Variants in BRD3 observed in about 807,000 individuals in gnomAD.
BRD3 encodes bromodomain containing 3.
In BRD3, 17 loss-of-function variants were observed where a neutral mutation model predicts 66.8. The observed-to-expected ratio is 0.25, with a 90% CI of 0.17 to 0.38. The LOEUF (loss-of-function observed/expected upper bound fraction) is 0.38. Ranked by LOEUF, BRD3 falls within the 10% of genes least tolerant of loss-of-function variation. The pLI, the probability that BRD3 is intolerant of heterozygous loss-of-function variation, is 1.00. For missense variants in BRD3, 713 were observed against 956.1 expected (o/e 0.75, Z 3.35); for synonymous variants, 421 against 393.2 (o/e 1.07, Z -0.84).
intron 6 of BRD3, among the ~76,000 whole-genome samples, chr9:134,047,173 G>A (rs1487477704): frequency 1.3e-5 from 2 of 152,240 alleles, no homozygotes; most frequent in African/African-American, 4.8e-5. Flanking sequence ...GTCAATCAAG[G>A]AAGAAAAGGG....
chr9:134,051,471 G>C, intron 4 of BRD3, 91 bp downstream of exon 4: 1 of 1,334,412 alleles, frequency 7.5e-7, no homozygotes, highest in East Asian at 2.8e-5. Flanking sequence ...ATGGGAAACA[G>C]CTCAGATGGC....
rs1001676603 is a variant in BRD3 at position 134,035,942 on chromosome 9, C to T, written c.1936+90G>A. ...AGCGTGGCAGCCCTGTGCCCAAGCT[C>T]GCCGCACAGGGTCCGTGAGGAGTGA... On this transcript the variant is annotated intron_variant, in intron 10 of 11. Coordinates refer to ENST00000303407, the MANE Select transcript of BRD3 (RefSeq NM_007371.4). 1.4e-5 allele frequency: 21 copies of T among 1,487,972 alleles called. No individual in the cohort carries two copies. In the Admixed American group the frequency reaches 3.3e-4, roughly 23 times the overall value. 92.2% of individuals were successfully genotyped at this position (1,487,972 alleles called of 1,614,324 possible). A position where few individuals can be genotyped will look rare whatever the true frequency, so the allele number is the denominator to read the frequency against.
At position 134,040,156 on chromosome 9, in the gene BRD3, C is replaced by G. The variant is rs1830010619; in HGVS notation, c.1521G>C (p.Glu507Asp). Reference sequence around the variant, plus strand: ...CGGCCTTCACTTTGTGCTTCTCCTTCTCCTTCTCCTTGTCCTTCTTCTTCT... The same window carrying G: ...CGGCCTTCACTTTGTGCTTCTCCTTGTCCTTCTCCTTGTCCTTCTTCTTCT... ...KEKKKKDKEK[E>D]KEKHKVKAEE... The change falls in exon 9 of 12, where the codon GAG becomes GAC. Residue 507 changes from glutamate to aspartate, a missense_variant. Glu to Asp is a conservative substitution (Grantham distance 45). Around this residue, in one of 5 missense-constraint regions of BRD3, gnomAD observed 418 missense variants for 609.3 expected, o/e 0.69. Coordinates refer to ENST00000303407, the MANE Select transcript of BRD3 (RefSeq NM_007371.4). 6.4e-7 allele frequency: 1 copy of G among 1,562,702 alleles called. No individual in the cohort carries two copies. Among genetic ancestry groups the G allele is most frequent in the Non-Finnish European group, 8.7e-7 (1 of 1,153,908 alleles).
chr9:134,049,380 G>A (rs562343637), intron 5 of BRD3, among the ~76,000 whole-genome samples: 10 of 152,310 alleles, frequency 6.6e-5, no homozygotes, highest in Admixed American at 2.6e-4. Context: ...CCCAGCCCAC[G>A]GCACCTGCCG....
intron 1 of BRD3, among the ~76,000 whole-genome samples, chr9:134,060,180 G>C (rs565509049): frequency 1.1e-4 from 16 of 152,368 alleles, no homozygotes; most frequent in East Asian, 3.9e-4. Flanking sequence ...GTCGGAGTGA[G>C]CAGGCAGCCT....
chr9:134,034,576 T>A, intron 11 of BRD3, 125 bp downstream of exon 11: 1 of 1,354,420 alleles, frequency 7.4e-7, no homozygotes, highest in Non-Finnish European at 9.9e-7. Flanking sequence ...AGAGCTCGTC[T>A]AAGAACATGG....
Position 134,034,695 on chromosome 9 carries a change from C to A in BRD3, c.2065+6G>T. ...AGAGGGGTGGCACAGCGGCCGCCAG[C>A]GGTACCTTTCCGGGCGGGCTTCTTG... On this transcript the variant is annotated splice_donor_region_variant and intron_variant, in intron 11 of 11. Transcript: ENST00000303407. 2 of 1,602,824 alleles carry A rather than the reference C, an allele frequency of 1.2e-6. No homozygotes were observed. The highest frequency in any genetic ancestry group is 2.7e-5 in the African/African-American group (2 of 74,728).
chr9:134,050,273 C>T (rs1417111947), intron 5 of BRD3, 101 bp downstream of exon 5: 2 of 1,085,706 alleles, frequency 1.8e-6, no homozygotes, highest in Non-Finnish European at 2.7e-6. Context: ...AGAGCCAGCA[C>T]TCAGGGAAAG....
chr9:134,033,059 C>A lies in BRD3; in HGVS notation c.*531G>T. 2 of 398,704 alleles carry A rather than the reference C, an allele frequency of 5.0e-6. No homozygotes were observed. The highest frequency in any genetic ancestry group is 8.8e-6 in the Non-Finnish European group (2 of 226,328). 24.7% of individuals were successfully genotyped at this position (398,704 alleles called of 1,614,324 possible). A position where few individuals can be genotyped will look rare whatever the true frequency, so the allele number is the denominator to read the frequency against. On this transcript the variant is annotated 3_prime_UTR_variant, in exon 12 of 12. Coordinates refer to ENST00000303407, the MANE Select transcript of BRD3 (RefSeq NM_007371.4). This position sits in a 1 kb window ranked among gnomAD's most constrained non-coding sequence, Gnocchi z 5.1. ...GCGATGACCCTTCGCTTAGGCCCAG[C>A]CTGGTCTCCACAAGCAGGCACATCT...
chr9:134,067,155 G>A (rs929399638), intron 1 of BRD3, among the ~76,000 whole-genome samples: 3 of 152,222 alleles, frequency 2.0e-5, no homozygotes, highest in African/African-American at 7.2e-5. Context: ...TGGGAAGGAG[G>A]GGAAGCACCC....
chr9:134,034,335 G>A (rs1448844201), intron 11 of BRD3, among the ~76,000 whole-genome samples: 2 of 152,246 alleles, frequency 1.3e-5, no homozygotes, highest in Non-Finnish European at 2.9e-5. Flanking sequence ...ACCTCGGCCT[G>A]CCATGGAACT....
intron 1 of BRD3, among the ~76,000 whole-genome samples, chr9:134,059,463 G>C (rs913064452): frequency 6.6e-6 from 1 of 152,228 alleles, no homozygotes; most frequent in Non-Finnish European, 1.5e-5. Flanking sequence ...AGCGGTGCCA[G>C]AGACCCCAGT....
rs568458997 is a variant in BRD3, at chr9:134,031,542, T to C, written c.*2048A>G. 488 of 202,340 alleles carry C rather than the reference T, an allele frequency of 2.4e-3. 1 individual carries two copies. The highest frequency in any genetic ancestry group is 3.6e-3 in the Non-Finnish European group (357 of 98,492). The allele number at this position is 202,340 out of a possible 1,614,324, so 12.5% of individuals were successfully genotyped here. A position where few individuals can be genotyped will look rare whatever the true frequency, so the allele number is the denominator to read the frequency against. The stretch of plus-strand genomic sequence containing the variant: ...AAATGGAAACTTTCAAATCCATTTA[T>C]ATTTTTATTATAAACAAAACTTAAT... On this transcript the variant is annotated 3_prime_UTR_variant, in exon 12 of 12. Transcript: ENST00000303407.
intron 2 of BRD3, among the ~76,000 whole-genome samples, chr9:134,052,779 G>A (rs1830332297): frequency 1.3e-5 from 2 of 152,210 alleles, no homozygotes; most frequent in Admixed American, 1.3e-4. Flanking sequence ...CAGAGCCCAG[G>A]CCACCAAGTG....
Position 134,050,362 on chromosome 9 carries a change from C to G in BRD3, c.714+12G>C, listed in dbSNP as rs1014681265. The G allele has an allele frequency of 1.1e-5, 17 of 1,606,628 alleles. No individual in the cohort carries two copies. Among genetic ancestry groups the G allele is most frequent in the Non-Finnish European group, 1.4e-5 (17 of 1,177,144 alleles). ...CTCAGGTGCCCCACCCATCCGGACT[C>G]AGGGTGCTCACCTTGACGACAGGCG... On this transcript the variant is annotated intron_variant, in intron 5 of 11. Coordinates refer to ENST00000303407, the MANE Select transcript of BRD3 (RefSeq NM_007371.4).
chr9:134,033,759 TGGC>T lies in BRD3; in HGVS notation c.2066-57_2066-55del, dbSNP rs1843553424. The T allele has an allele frequency of 2.9e-6, 2 of 679,062 alleles. No individual in the cohort carries two copies. Among genetic ancestry groups the T allele is most frequent in the Non-Finnish European group, 5.4e-6 (2 of 369,032 alleles). The allele number at this position is 679,062 out of a possible 1,614,324, so 42.1% of individuals were successfully genotyped here. ...TCGCACACCCGCTTCTTGACCCGCTTGGCGGCATGTCGTCCATGCCAGCGTGAC... is the reference window on the plus strand; with the variant it reads ...TCGCACACCCGCTTCTTGACCCGCTTGGCATGTCGTCCATGCCAGCGTGAC... On this transcript the variant is annotated intron_variant, in intron 11 of 11. Coordinates refer to ENST00000303407, the MANE Select transcript of BRD3 (RefSeq NM_007371.4). The surrounding 1 kb of genome is among the most constrained non-coding windows in gnomAD (Gnocchi z 5.1).
At position 134,042,724 on chromosome 9, in the gene BRD3, C is replaced by CAT. The variant is rs566280194; in HGVS notation, c.1216-775_1216-774dup. Among the ~76,000 whole-genome samples, 152 of 150,170 alleles carry CAT rather than the reference C, an allele frequency of 1.0e-3. 1 individual carries two copies. Among genetic ancestry groups the CAT allele is most frequent in the African/African-American group, 3.6e-3 (146 of 40,076 alleles). On this transcript the variant is annotated intron_variant, in intron 7 of 11. Transcript: ENST00000303407. ...ACACATATATATACACATATATACA[C>CAT]ATATATATACACACATATATACACA... is the stretch of plus-strand genomic sequence containing the variant.
chr9:134,062,525 G>A (rs1830566119), intron 1 of BRD3, among the ~76,000 whole-genome samples: 1 of 152,158 alleles, frequency 6.6e-6, no homozygotes, highest in South Asian at 2.1e-4. Flanking sequence ...CCCTGGGTGA[G>A]CGGCCTCTCT....
intron 1 of BRD3, among the ~76,000 whole-genome samples, chr9:134,060,732 A>G (rs970043113): frequency 4.6e-5 from 7 of 152,232 alleles, no homozygotes; most frequent in Non-Finnish European, 7.4e-5. Flanking sequence ...GCCCCATCCA[A>G]GAGAGGCTCT....
Sources: allele counts gnomAD v4.1 joint callset (sites outside exome capture counted in the v4.1 genomes callset), GRCh38; gene constraint gnomAD v4.1.1; regional missense constraint gnomAD v4.1.1; non-coding constraint Gnocchi (gnomAD v3.1); transcripts MANE v1.5; gene names NCBI Gene and HGNC (gene_info 2026-07-23, HGNC 2026-07-21).